ASIP: variants seen among roughly 807,000 people sequenced by gnomAD.
ASIP encodes agouti signaling protein.
A neutral mutation model predicts 10.3 loss-of-function variants in ASIP; 11 were observed. The ratio of observed to expected loss-of-function variants is 1.07; its 90% CI spans 0.68 to 1.78. The LOEUF (loss-of-function observed/expected upper bound fraction) is 1.78, where lower values mean the gene tolerates loss of function less well. ASIP is among the 40% of genes most tolerant of loss of function. The probability of loss-of-function intolerance (pLI) is 0.00; values close to 1 mark genes in which losing one functional copy is unlikely to be tolerated. For synonymous variants in ASIP, 70 were observed against 70.8 expected (o/e 0.99, Z 0.06); for missense variants, 180 against 169.2 (o/e 1.06, Z -0.35).
intron 1 of ASIP, among the ~76,000 whole-genome samples, chr20:34,250,928 G>A (rs1301033239): frequency 3.3e-5 from 5 of 152,112 alleles, no homozygotes; most frequent in African/African-American, 9.7e-5. Flanking sequence ...CACTCAGGAC[G>A]CTGAGTGTAC....
intron 3 of ASIP, among the ~76,000 whole-genome samples, chr20:34,267,656 C>T (rs975147275): frequency 1.3e-5 from 2 of 151,802 alleles, no homozygotes; most frequent in African/African-American, 2.4e-5. Flanking sequence ...CTCAGCCTCC[C>T]GGGAGTAGCT....
intron 2 of ASIP, among the ~76,000 whole-genome samples, chr20:34,261,938 C>A (rs895997650): frequency 3.3e-5 from 5 of 151,966 alleles, no homozygotes; most frequent in Non-Finnish European, 7.4e-5. Flanking sequence ...CATGGCAAAA[C>A]CCCATCTCTA....
intron 1 of ASIP, among the ~76,000 whole-genome samples, chr20:34,203,067 C>T (rs920258793): frequency 6.6e-6 from 1 of 151,984 alleles, no homozygotes; most frequent in African/African-American, 2.4e-5. Context: ...CTCGGCCTCC[C>T]AAAGTGCTGG....
At chr20:34,267,250 A>G (rs1308468474) in intron 3 of ASIP, among the ~76,000 whole-genome samples, 1 of 152,122 alleles carries the variant, frequency 6.6e-6, no homozygotes, top group East Asian at 1.9e-4. Context: ...CAGATGTTAA[A>G]GAGTGCAAAG....
In ASIP at chr20:34,254,571, G is replaced by A. The variant is rs142381440; in HGVS notation, c.-10-5794G>A. 4.4e-3 allele frequency among the ~76,000 whole-genome samples: 664 copies of A among 152,204 alleles called. 5 individuals are homozygous for A. Among genetic ancestry groups the A allele is most frequent in the African/African-American group, 0.015 (613 of 41,528 alleles). On this transcript the variant is annotated intron_variant, in intron 1 of 3. Transcript: ENST00000374954. ...GACATTTGGCAACAAAACCCGTCCC[G>A]AATTGATGTGAATCAATTCATAGTC...
intron 1 of ASIP, among the ~76,000 whole-genome samples, chr20:34,225,506 A>G (rs1383341261): frequency 6.6e-6 from 1 of 151,892 alleles, no homozygotes; most frequent in African/African-American, 2.4e-5. Flanking sequence ...TTCTTTTTCA[A>G]TATTTTATCA....
chr20:34,218,609 G>A (rs535088895), intron 1 of ASIP, among the ~76,000 whole-genome samples: 1 of 152,170 alleles, frequency 6.6e-6, no homozygotes, highest in East Asian at 1.9e-4. Context: ...TTTTCACAGT[G>A]CTGTCATTTA....
chr20:34,215,988 C>G, intron 1 of ASIP: 1 of 728,478 alleles, frequency 1.4e-6, no homozygotes, highest in Non-Finnish European at 2.5e-6. Flanking sequence ...CTCCAGCCCG[C>G]CTCCCAGCCT....
intron 1 of ASIP, chr20:34,213,952 G>A: frequency 2.5e-6 from 4 of 1,575,500 alleles, no homozygotes; most frequent in Non-Finnish European, 3.4e-6. Flanking sequence ...TTCATCTTGT[G>A]CCAGCATCAA....
chr20:34,269,244 G>T lies in ASIP; in HGVS notation c.*77G>T. ...TTCTCGGGCGGGTGATCCCTAACAG[G>T]GCGGCTTCCCAGGGCTGCAGGCGGG... On this transcript the variant is annotated 3_prime_UTR_variant, in exon 4 of 4. Coordinates refer to ENST00000374954, the MANE Select transcript of ASIP (RefSeq NM_001672.3). 1 of 1,421,846 alleles carries T rather than the reference G, an allele frequency of 7.0e-7. No individual in the cohort carries two copies. The highest frequency in any genetic ancestry group is 9.1e-7 in the Non-Finnish European group (1 of 1,093,296). The allele number at this position is 1,421,846 out of a possible 1,614,324, so 88.1% of individuals were successfully genotyped here. A position where few individuals can be genotyped will look rare whatever the true frequency, so the allele number is the denominator to read the frequency against.
At chr20:34,235,963 AGGAG>A (rs1186702045) in intron 1 of ASIP, among the ~76,000 whole-genome samples, 1 of 79,944 alleles carries the variant, frequency 1.3e-5, no homozygotes, top group Admixed American at 1.0e-4. Flanking sequence ...GAAGGAAGGA[AGGAG>A]GGAGGGAGGG....
intron 1 of ASIP, among the ~76,000 whole-genome samples, chr20:34,209,547 G>C (rs1013892960): frequency 3.4e-4 from 52 of 152,250 alleles, no homozygotes; most frequent in African/African-American, 1.2e-3. Context: ...GCTCAGAGAA[G>C]TCTGCTCCCA....
chr20:34,261,316 T>C (rs1235695416), intron 2 of ASIP, among the ~76,000 whole-genome samples: 2 of 151,846 alleles, frequency 1.3e-5, no homozygotes, highest in African/African-American at 4.8e-5. Flanking sequence ...CTGAGCGACA[T>C]AGGGAGACCC....
At position 34,241,929 on chromosome 20, in the gene ASIP, A is replaced by G. The variant is rs182440230; in HGVS notation, c.-11+440A>G. On this transcript the variant is annotated intron_variant, in intron 1 of 3. Coordinates refer to ENST00000374954, the MANE Select transcript of ASIP (RefSeq NM_001672.3). Reference sequence around the variant, plus strand: ...TGTAGCATTTGTTCATTTCATATTTATTAGAGATGAAACAGATGACCAAAA... The same window carrying G: ...TGTAGCATTTGTTCATTTCATATTTGTTAGAGATGAAACAGATGACCAAAA... 6.4e-4 allele frequency among the ~76,000 whole-genome samples: 97 copies of G among 152,334 alleles called. 2 individuals carry two copies. In the South Asian group the frequency reaches 9.7e-3, roughly 15 times the overall value.
At chr20:34,214,541 A>T in intron 1 of ASIP, 2 of 1,504,988 alleles carry the variant, frequency 1.3e-6, no homozygotes, top group Non-Finnish European at 1.8e-6. Context: ...ACTTCCATGA[A>T]CCGTGTAGTC....
At chr20:34,201,035 T>C (rs1206425178) in intron 1 of ASIP, among the ~76,000 whole-genome samples, 1 of 120,292 alleles carries the variant, frequency 8.3e-6, no homozygotes, top group African/African-American at 2.8e-5. Flanking sequence ...TTTCTTTCTT[T>C]CTTTCTTTCT....
At chr20:34,207,934 C>T (rs898381643) in intron 1 of ASIP, among the ~76,000 whole-genome samples, 10 of 151,876 alleles carry the variant, frequency 6.6e-5, no homozygotes, top group African/African-American at 2.4e-4. Context: ...GGACTACAGG[C>T]GCCCACCACC....
chr20:34,211,053 G>C (rs2034971628), intron 1 of ASIP, among the ~76,000 whole-genome samples: 1 of 152,102 alleles, frequency 6.6e-6, no homozygotes, highest in Non-Finnish European at 1.5e-5. Flanking sequence ...GACAGGTCTT[G>C]CTCTGTCATC....
chr20:34,258,229 T>C (rs2122651628), intron 1 of ASIP, among the ~76,000 whole-genome samples: 1 of 152,206 alleles, frequency 6.6e-6, no homozygotes, highest in South Asian at 2.1e-4. Context: ...ATGATGTTCT[T>C]ATTCCAATCC....
Sources: allele counts gnomAD v4.1 joint callset (sites outside exome capture counted in the v4.1 genomes callset), GRCh38; gene constraint gnomAD v4.1.1; transcripts MANE v1.5; gene names NCBI Gene and HGNC (gene_info 2026-07-23, HGNC 2026-07-21).